The following EFNA5 variants were observed in gnomAD, a reference collection of about 807,000 sequenced individuals.
EFNA5 encodes the protein ephrin A5.
Under a neutral mutation model 22.9 loss-of-function variants are expected in EFNA5, and 5 were observed. The ratio of observed to expected loss-of-function variants is 0.22; its 90% CI spans 0.11 to 0.46. The LOEUF is 0.46. EFNA5 is among the 20% of genes least tolerant of loss of function. The pLI is 0.99. For missense variants in EFNA5, 237 were observed against 293.3 expected (o/e 0.81, Z 1.40); for synonymous variants, 113 against 112.2 (o/e 1.01, Z -0.04).
chr5:107,467,544 G>C (rs968297851), intron 1 of EFNA5, among the ~76,000 whole-genome samples: 3 of 152,170 alleles, frequency 2.0e-5, no homozygotes, highest in Non-Finnish European at 4.4e-5. Context: ...GTGTCTATTT[G>C]AAAGAAAAAT....
At chr5:107,437,952 G>T (rs1749159678) in intron 1 of EFNA5, among the ~76,000 whole-genome samples, 1 of 152,212 alleles carries the variant, frequency 6.6e-6, no homozygotes, top group Non-Finnish European at 1.5e-5. Context: ...ACCTAAGGCA[G>T]AATGAAAGTT....
intron 1 of EFNA5, among the ~76,000 whole-genome samples, chr5:107,525,756 G>A (rs1747683236): frequency 6.6e-6 from 1 of 152,180 alleles, no homozygotes. Flanking sequence ...GGCAGGGATG[G>A]CAGAGGCAGA....
At chr5:107,385,081 G>A (rs897797821) in intron 4 of EFNA5, among the ~76,000 whole-genome samples, 3 of 151,904 alleles carry the variant, frequency 2.0e-5, no homozygotes, top group African/African-American at 7.3e-5. Context: ...CCCAGCACAC[G>A]TATGCACACA....
At chr5:107,652,542 G>T (rs549874048) in intron 1 of EFNA5, among the ~76,000 whole-genome samples, 6 of 152,260 alleles carry the variant, frequency 3.9e-5, no homozygotes, top group African/African-American at 9.6e-5. Flanking sequence ...GTATTTGCCT[G>T]CATGTGGTCT....
intron 1 of EFNA5, among the ~76,000 whole-genome samples, chr5:107,469,555 C>G (rs1449671500): frequency 6.6e-6 from 1 of 152,120 alleles, no homozygotes; most frequent in East Asian, 1.9e-4. Context: ...AGCCCACCAC[C>G]TTCTGACTGA....
chr5:107,423,484 C>T (rs2112416786), intron 2 of EFNA5, among the ~76,000 whole-genome samples: 1 of 151,086 alleles, frequency 6.6e-6, no homozygotes, highest in Admixed American at 6.6e-5. Flanking sequence ...TCAAACAATC[C>T]TCCTACCTCA....
chr5:107,570,291 T>C (rs1462679892), intron 1 of EFNA5, among the ~76,000 whole-genome samples: 1 of 152,214 alleles, frequency 6.6e-6, no homozygotes, highest in Non-Finnish European at 1.5e-5. Context: ...ATATCCCACA[T>C]TTCACATCAA....
chr5:107,481,322 G>T (rs1750454719), intron 1 of EFNA5, among the ~76,000 whole-genome samples: 1 of 152,192 alleles, frequency 6.6e-6, no homozygotes, highest in Non-Finnish European at 1.5e-5. Context: ...TGACATTTCT[G>T]TGACTGTTGA....
At chr5:107,639,245 G>A (rs993846600) in intron 1 of EFNA5, among the ~76,000 whole-genome samples, 2 of 152,164 alleles carry the variant, frequency 1.3e-5, no homozygotes, top group Non-Finnish European at 2.9e-5. Context: ...AAAAGTCAGA[G>A]GAGCAGCAGT....
intron 1 of EFNA5, among the ~76,000 whole-genome samples, chr5:107,601,506 A>G (rs1044146754): frequency 6.6e-6 from 1 of 152,242 alleles, no homozygotes; most frequent in Non-Finnish European, 1.5e-5. Flanking sequence ...TAGGAAATCT[A>G]TATAATTTAA....
At chr5:107,555,789 T>A (rs1266352061) in intron 1 of EFNA5, among the ~76,000 whole-genome samples, 1 of 152,224 alleles carries the variant, frequency 6.6e-6, no homozygotes. Flanking sequence ...CAAATCTCCA[T>A]TTCAAGAATA....
At chr5:107,468,786 A>G (rs1750061128) in intron 1 of EFNA5, among the ~76,000 whole-genome samples, 1 of 146,264 alleles carries the variant, frequency 6.8e-6, no homozygotes, top group African/African-American at 2.4e-5. Flanking sequence ...GAAATAAACA[A>G]TTGAAAAGGA....
At chr5:107,510,854 T>C (rs1436671397) in intron 1 of EFNA5, among the ~76,000 whole-genome samples, 4 of 152,206 alleles carry the variant, frequency 2.6e-5, no homozygotes, top group Non-Finnish European at 5.9e-5. Context: ...ACTCAGGATT[T>C]TGCAAGGACC....
chr5:107,510,435 TG>T (rs1420112244), intron 1 of EFNA5, among the ~76,000 whole-genome samples: 7 of 152,228 alleles, frequency 4.6e-5, no homozygotes, highest in Non-Finnish European at 1.0e-4. Flanking sequence ...CTCAAGCTGC[TG>T]CTCTGCCTAT....
intron 1 of EFNA5, among the ~76,000 whole-genome samples, chr5:107,536,543 A>G (rs1464023065): frequency 2.0e-5 from 3 of 152,190 alleles, no homozygotes; most frequent in African/African-American, 7.2e-5. Context: ...CCTAGCACAC[A>G]TAGGATACTG....
rs1246402338 is a variant in EFNA5 at position 107,451,492 on chromosome 5, T to C, written c.126-23983A>G. 3.9e-5 allele frequency among the ~76,000 whole-genome samples: 6 copies of C among 152,324 alleles called. No individual in the cohort carries two copies. In the South Asian group the frequency reaches 6.2e-4, roughly 16 times the overall value. ...TGAAAAAAGTCCTTTAAAAATATAC[T>C]TGGAGATATCAACTACTTCATTGTT... On this transcript the variant is annotated intron_variant, in intron 1 of 4. Coordinates refer to ENST00000333274, the MANE Select transcript of EFNA5 (RefSeq NM_001962.3).
intron 1 of EFNA5, among the ~76,000 whole-genome samples, chr5:107,449,465 G>A (rs1276047008): frequency 2.6e-5 from 4 of 151,948 alleles, no homozygotes; most frequent in African/African-American, 9.6e-5. Flanking sequence ...TGTCACCATC[G>A]ATGAAAAGCT....
At chr5:107,411,693 G>A (rs2112402585) in intron 2 of EFNA5, among the ~76,000 whole-genome samples, 2 of 152,278 alleles carry the variant, frequency 1.3e-5, no homozygotes, top group South Asian at 2.1e-4. Flanking sequence ...GCCCAGGCTG[G>A]AGTGCAGTGG....
At chr5:107,600,404 T>G (rs1749566049) in intron 1 of EFNA5, among the ~76,000 whole-genome samples, 1 of 152,122 alleles carries the variant, frequency 6.6e-6, no homozygotes, top group Non-Finnish European at 1.5e-5. Flanking sequence ...GACTATTCAC[T>G]AACGATTACA....
Sources: allele counts gnomAD v4.1 joint callset (sites outside exome capture counted in the v4.1 genomes callset), GRCh38; gene constraint gnomAD v4.1.1; transcripts MANE v1.5; gene names NCBI Gene and HGNC (gene_info 2026-07-23, HGNC 2026-07-21).